CORIN: variants seen among roughly 807,000 people sequenced by gnomAD.
CORIN encodes the protein corin, serine peptidase, also known as atrial natriuretic peptide-converting enzyme.
In CORIN, 117 loss-of-function variants were observed where a neutral mutation model predicts 125.3. That is an observed-to-expected ratio of 0.93 (90% CI 0.80 to 1.09). The LOEUF (loss-of-function observed/expected upper bound fraction) is 1.09, where lower values mean the gene tolerates loss of function less well. Ranked by LOEUF, CORIN falls within the 50% of genes least tolerant of loss-of-function variation. The pLI, the probability that CORIN is intolerant of heterozygous loss-of-function variation, is 0.00. For synonymous variants in CORIN, 450 were observed against 466.4 expected (o/e 0.96, Z 0.45); for missense variants, 1,253 against 1,306.7 (o/e 0.96, Z 0.63).
Position 47,787,676 on chromosome 4 carries a change from G to T in CORIN, c.209-751C>A, listed in dbSNP as rs144803388. 1.3e-3 allele frequency among the ~76,000 whole-genome samples: 204 copies of T among 152,370 alleles called. 5 individuals carry two copies. The highest frequency in any genetic ancestry group is 1.5e-4 in the Non-Finnish European group (10 of 68,036). ...ACAGGTGGTGTTTGGTAACGAGTAA[G>T]TTCCTTAGTGGTGATTTGTGAGATT... is the stretch of plus-strand genomic sequence containing the variant. On this transcript the variant is annotated intron_variant, in intron 2 of 21. Transcript: ENST00000273857.
rs1553908758 is a variant in CORIN at position 47,661,901 on chromosome 4, C to T, written c.1590-45G>A. 3.9e-6 allele frequency: 6 copies of T among 1,534,946 alleles called. 1 individual carries two copies. In the South Asian group the frequency reaches 7.6e-5, roughly 19 times the overall value. On this transcript the variant is annotated intron_variant, in intron 11 of 21. Transcript: ENST00000273857. ...AAAACATTAGAAGCAGAAATAGCTC[C>T]ATCTGAGACAGATGTCATAAATTTA...
chr4:47,689,704 C>T (rs1454674024), intron 6 of CORIN, among the ~76,000 whole-genome samples: 1 of 152,148 alleles, frequency 6.6e-6, no homozygotes, highest in African/African-American at 2.4e-5. Context: ...GTTATAGACT[C>T]AAAAGATTAT....
At chr4:47,651,554 A>G (rs970109999) in intron 13 of CORIN, among the ~76,000 whole-genome samples, 1 of 152,236 alleles carries the variant, frequency 6.6e-6, no homozygotes, top group Admixed American at 6.5e-5. Context: ...CGAAGTATGT[A>G]AAGTTTTCTA....
At chr4:47,680,444 T>C (rs1725221272) in intron 7 of CORIN, 193 bp from the exon 8 acceptor site, 1 of 528,226 alleles carries the variant, frequency 1.9e-6, no homozygotes, top group Non-Finnish European at 3.4e-6. Context: ...CCACCATCAC[T>C]GTGGGGTAAG....
chr4:47,838,034 G>T lies in CORIN; in HGVS notation c.-85C>A. On this transcript the variant is annotated 5_prime_UTR_variant, in exon 1 of 22. Transcript: ENST00000273857. ...TACGTGTCCCCCGGGGAGGCACTAC[G>T]GATGATTTTCTCCAAGCTCAAGAGA... 1 of 1,584,016 alleles carries T rather than the reference G, an allele frequency of 6.3e-7. No homozygotes were observed. The highest frequency in any genetic ancestry group is 8.5e-7 in the Non-Finnish European group (1 of 1,172,920).
At chr4:47,615,233 A>C (rs552893313) in intron 19 of CORIN, among the ~76,000 whole-genome samples, 1 of 152,348 alleles carries the variant, frequency 6.6e-6, no homozygotes, top group South Asian at 2.1e-4. Context: ...AGACCTTAAT[A>C]GGCTCCAATG....
chr4:47,837,859 C>T (rs767925258), intron 1 of CORIN, 28 bp downstream of exon 1: 45 of 1,599,036 alleles, frequency 2.8e-5, no homozygotes, highest in Non-Finnish European at 3.9e-5. Context: ...CACCTGGCTG[C>T]GGTAGGACAG....
chr4:47,618,171 C>T (rs1167164191), intron 19 of CORIN, among the ~76,000 whole-genome samples: 1 of 151,674 alleles, frequency 6.6e-6, no homozygotes, highest in African/African-American at 2.4e-5. Flanking sequence ...CCCGTCTCTA[C>T]TAAAAATACA....
At chr4:47,745,588 C>T (rs1728628993) in intron 4 of CORIN, among the ~76,000 whole-genome samples, 1 of 152,168 alleles carries the variant, frequency 6.6e-6, no homozygotes, top group Non-Finnish European at 1.5e-5. Flanking sequence ...TCAAATAGCT[C>T]CTAATGGCAG....
intron 5 of CORIN, among the ~76,000 whole-genome samples, chr4:47,718,947 T>A (rs1377687413): frequency 6.6e-6 from 1 of 152,152 alleles, no homozygotes; most frequent in Non-Finnish European, 1.5e-5. Flanking sequence ...GAGATATTTG[T>A]CCTCTTTCTT....
At chr4:47,835,962 G>A (rs1733377949) in intron 1 of CORIN, among the ~76,000 whole-genome samples, 1 of 152,158 alleles carries the variant, frequency 6.6e-6, no homozygotes, top group Non-Finnish European at 1.5e-5. Context: ...CGTTGGTCCT[G>A]TAAGCCTACC....
intron 20 of CORIN, among the ~76,000 whole-genome samples, chr4:47,601,392 C>A (rs1373493839): frequency 1.3e-5 from 2 of 151,756 alleles, no homozygotes; most frequent in African/African-American, 4.8e-5. Context: ...GCAGCCTCCA[C>A]CTTGGCTCAA....
intron 6 of CORIN, among the ~76,000 whole-genome samples, chr4:47,690,892 A>C (rs1725735861): frequency 6.6e-6 from 1 of 152,232 alleles, no homozygotes; most frequent in Non-Finnish European, 1.5e-5. Flanking sequence ...TAAGGTCAAA[A>C]ACAATTGCAT....
chr4:47,819,631 G>A (rs1234347001), intron 1 of CORIN, among the ~76,000 whole-genome samples: 1 of 152,162 alleles, frequency 6.6e-6, no homozygotes, highest in Non-Finnish European at 1.5e-5. Context: ...GAAGGATAAC[G>A]GGAGAGGAGA....
intron 2 of CORIN, among the ~76,000 whole-genome samples, chr4:47,801,210 C>A (rs1731525514): frequency 6.6e-6 from 1 of 152,182 alleles, no homozygotes; most frequent in African/African-American, 2.4e-5. Context: ...CTGTTGAATT[C>A]AACTATGATT....
chr4:47,745,621 T>C (rs1577884943), intron 4 of CORIN, among the ~76,000 whole-genome samples: 1 of 152,180 alleles, frequency 6.6e-6, no homozygotes, highest in South Asian at 2.1e-4. Flanking sequence ...AATCCTGGTG[T>C]TTCAAGTTTC....
intron 10 of CORIN, among the ~76,000 whole-genome samples, chr4:47,673,176 CAAAAAATA>C (rs1467516068): frequency 1.6e-5 from 2 of 126,726 alleles, no homozygotes; most frequent in East Asian, 4.6e-4. Flanking sequence ...CCATCTTTAC[CAAAAAATA>C]AATAAATAAA....
intron 5 of CORIN, among the ~76,000 whole-genome samples, chr4:47,743,460 G>A (rs1366987897): frequency 2.0e-5 from 3 of 152,216 alleles, no homozygotes; most frequent in Non-Finnish European, 4.4e-5. Flanking sequence ...AAATGAAAAA[G>A]ACTGACAATG....
intron 10 of CORIN, among the ~76,000 whole-genome samples, chr4:47,667,849 G>A (rs928884423): frequency 3.3e-5 from 5 of 152,134 alleles, no homozygotes; most frequent in African/African-American, 1.2e-4. Context: ...TGGACATTAT[G>A]GACTAAATGT....
Sources: allele counts gnomAD v4.1 joint callset (sites outside exome capture counted in the v4.1 genomes callset), GRCh38; gene constraint gnomAD v4.1.1; transcripts MANE v1.5; gene names NCBI Gene and HGNC (gene_info 2026-07-23, HGNC 2026-07-21).